Variants in ARPP21 observed in about 807,000 individuals in gnomAD.
The protein encoded by ARPP21 is cAMP-regulated phosphoprotein 21.
ARPP21 carries 69 observed loss-of-function variants against 113.2 expected under a neutral mutation model. The observed-to-expected ratio is 0.61, with a 90% CI of 0.50 to 0.74. ARPP21 has a LOEUF of 0.74. Among genes scored for constraint, ARPP21 ranks in the 30% least tolerant of loss-of-function variants. ARPP21 has a pLI of 0.00. For missense variants in ARPP21, 1,070 were observed against 1,037.4 expected (o/e 1.03, Z -0.43); for synonymous variants, 368 against 375.5 (o/e 0.98, Z 0.23).
intron 1 of ARPP21, among the ~76,000 whole-genome samples, chr3:35,679,174 C>G (rs932398024): frequency 6.6e-6 from 1 of 151,810 alleles, no homozygotes; most frequent in African/African-American, 2.4e-5. Flanking sequence ...ATTGTGTTCA[C>G]CCTGCAACAA....
intron 19 of ARPP21, among the ~76,000 whole-genome samples, chr3:35,745,750 G>C (rs2094996128): frequency 6.6e-6 from 1 of 152,062 alleles, no homozygotes; most frequent in African/African-American, 2.4e-5. Flanking sequence ...CAATATATGA[G>C]GCATTTTTTA....
chr3:35,669,901 T>A (rs1305361297), intron 1 of ARPP21, among the ~76,000 whole-genome samples: 1 of 151,890 alleles, frequency 6.6e-6, no homozygotes, highest in African/African-American at 2.4e-5. Flanking sequence ...CCCCAGGGAG[T>A]TTCTGAGCAC....
intron 1 of ARPP21, among the ~76,000 whole-genome samples, chr3:35,671,941 G>A (rs894626602): frequency 7.2e-5 from 11 of 151,978 alleles, no homozygotes; most frequent in African/African-American, 2.4e-4. Context: ...AACCACATGT[G>A]CATCATCAGT....
chr3:35,683,516 T>C (rs2079599358), intron 4 of ARPP21, among the ~76,000 whole-genome samples: 1 of 151,806 alleles, frequency 6.6e-6, no homozygotes. Flanking sequence ...ATTTATCTAT[T>C]CACATTCTTC....
chr3:35,667,943 GAAGAA>G, intron 1 of ARPP21, among the ~76,000 whole-genome samples: 1 of 135,564 alleles, frequency 7.4e-6, no homozygotes, highest in African/African-American at 2.9e-5. Context: ...AGAAGGAGAA[GAAGAA>G]AAGAAGAAGA....
chr3:35,749,955 T>C (rs1423635890), intron 19 of ARPP21, among the ~76,000 whole-genome samples: 2 of 152,068 alleles, frequency 1.3e-5, no homozygotes, highest in Non-Finnish European at 2.9e-5. Flanking sequence ...TTTTTATTTT[T>C]GTCAGCCTTG....
At chr3:35,758,387 CA>C (rs1215183224) in intron 19 of ARPP21, among the ~76,000 whole-genome samples, 1 of 152,032 alleles carries the variant, frequency 6.6e-6, no homozygotes, top group African/African-American at 2.4e-5. Context: ...CTTCTCTCCC[CA>C]AACAAGGACA....
chr3:35,652,282 A>G (rs983006275), intron 1 of ARPP21, among the ~76,000 whole-genome samples: 5 of 152,098 alleles, frequency 3.3e-5, no homozygotes, highest in African/African-American at 1.2e-4. Flanking sequence ...TCTAAGAACT[A>G]AGAATGATTT....
At chr3:35,683,927 A>G in intron 5 of ARPP21, 112 bp downstream of exon 5, 3 of 1,033,134 alleles carry the variant, frequency 2.9e-6, no homozygotes, top group Non-Finnish European at 4.6e-6. Flanking sequence ...TAATTGAAGA[A>G]AATAATTCAT....
intron 13 of ARPP21, among the ~76,000 whole-genome samples, 190 bp downstream of exon 13, chr3:35,717,547 A>G (rs2092586408): frequency 6.6e-6 from 1 of 152,102 alleles, no homozygotes; most frequent in African/African-American, 2.4e-5. Context: ...CTGGAAATCT[A>G]TCACTTCGTC....
At chr3:35,720,298 T>C (rs958297538) in intron 13 of ARPP21, among the ~76,000 whole-genome samples, 2 of 152,232 alleles carry the variant, frequency 1.3e-5, no homozygotes, top group Non-Finnish European at 2.9e-5. Flanking sequence ...CATTTTTATT[T>C]CTTGGATCCA....
chr3:35,721,491 C>T, intron 13 of ARPP21, 114 bp from the exon 14 acceptor site: 1 of 644,316 alleles, frequency 1.6e-6, no homozygotes. Flanking sequence ...AAAGGGTTGG[C>T]AGGAAGGGTC....
At chr3:35,649,550 C>T (rs1467011695) in intron 1 of ARPP21, among the ~76,000 whole-genome samples, 1 of 152,154 alleles carries the variant, frequency 6.6e-6, no homozygotes, top group Non-Finnish European at 1.5e-5. Flanking sequence ...CCCATCTTTA[C>T]TGGATGTGTG....
chr3:35,721,490 G>C, intron 13 of ARPP21, 115 bp from the exon 14 acceptor site: 6 of 642,828 alleles, frequency 9.3e-6, no homozygotes, highest in Non-Finnish European at 1.7e-5. Flanking sequence ...AAAAGGGTTG[G>C]CAGGAAGGGT....
chr3:35,681,015 T>C (rs568344125), intron 2 of ARPP21: 2 of 151,968 alleles, frequency 1.3e-5, no homozygotes, highest in Non-Finnish European at 2.9e-5. Flanking sequence ...TTAGTTGGGA[T>C]AGCTTCACTA....
intron 19 of ARPP21, among the ~76,000 whole-genome samples, chr3:35,775,808 C>T (rs1183668225): frequency 6.6e-6 from 1 of 151,932 alleles, no homozygotes; most frequent in Non-Finnish European, 1.5e-5. Context: ...AGAATAAAGG[C>T]TATCTATAAT....
At chr3:35,786,687 T>C (rs1041451506) in intron 19 of ARPP21, among the ~76,000 whole-genome samples, 5 of 152,108 alleles carry the variant, frequency 3.3e-5, no homozygotes, top group Admixed American at 3.3e-4. Flanking sequence ...TCCTTGGATT[T>C]ATCTCCTGGG....
intron 16 of ARPP21, 50 bp downstream of exon 16, chr3:35,737,412 C>T (rs2094423297): frequency 7.8e-7 from 1 of 1,277,832 alleles, no homozygotes; most frequent in Non-Finnish European, 1.1e-6. Flanking sequence ...GAGATGAAGG[C>T]TACATAGTCC....
intron 1 of ARPP21, among the ~76,000 whole-genome samples, chr3:35,654,583 T>A (rs917728754): frequency 1.3e-5 from 2 of 152,108 alleles, no homozygotes; most frequent in African/African-American, 2.4e-5. Flanking sequence ...TTGTTTGTCC[T>A]CAATTTGTTT....
Sources: gnomAD v4.1 joint callset for allele counts (sites outside exome capture counted in the v4.1 genomes callset) on GRCh38, gnomAD v4.1.1 for gene constraint, MANE v1.5 for transcripts, NCBI Gene and HGNC (gene_info 2026-07-23, HGNC 2026-07-21) for gene names.